The following ASPM variants were observed in gnomAD, a reference collection of about 807,000 sequenced individuals.
ASPM encodes the protein assembly factor for spindle microtubules.
In ASPM, 256 loss-of-function variants were observed where a neutral mutation model predicts 366.4. That is an observed-to-expected ratio of 0.70 (90% confidence interval 0.63 to 0.77). ASPM has a LOEUF of 0.77. Ranked by LOEUF, ASPM falls within the 30% of genes least tolerant of loss-of-function variation. The pLI, the probability that ASPM is intolerant of heterozygous loss-of-function variation, is 0.00. For missense variants in ASPM, 4,146 were observed against 4,090.4 expected, an observed-to-expected ratio of 1.01 and a Z score of -0.37; for synonymous variants, 1,414 against 1,342.9, an observed-to-expected ratio of 1.05 and a Z score of -1.16.
rs145662604 is a variant in ASPM at position 197,105,035 on chromosome 1, C to T, written c.4216G>A (p.Ala1406Thr). 76 of 1,610,046 alleles carry T rather than the reference C, an allele frequency of 4.7e-5. No individual in the cohort carries two copies. The African/African-American group carries it at 8.8e-4, about 19-fold the overall frequency. Residue 1406 changes from alanine (A) to threonine (T), a missense_variant, in exon 18 of 28, where the codon GCT (alanine) becomes ACT (threonine). Transcript: ENST00000367409. ...TGATCTTGTTTTCTTCTTAAATAAG[C>T]ACGCCAATGCCTCTGAATTGTAACT... ...ATVTIQRHWR[A>T]YLRRKQDQQR...
At position 197,124,329 on chromosome 1, in the gene ASPM, C is replaced by T; in HGVS notation, c.3171G>A (p.Val1057=). The T allele has an allele frequency of 6.4e-7, 1 of 1,553,720 alleles. No homozygotes were observed. The highest frequency in any genetic ancestry group is 8.9e-7 in the Non-Finnish European group (1 of 1,129,658). The change falls in exon 13 of 28, where the codon GTG becomes GTA. Residue 1057 remains valine, a splice_region_variant and synonymous_variant. Coordinates refer to ENST00000367409, the MANE Select transcript of ASPM (RefSeq NM_018136.5). ...LLWKIAFAFQ[V]DISLNLDQLK... is the part of the protein sequence containing the mutation. ...ATTGATCTAAGTTAAGGGAAATATC[C>T]ACCTAAAACAAACACAAAAAAAGAT...
chr1:197,133,922 A>G (rs1358658078), intron 5 of ASPM, among the ~76,000 whole-genome samples: 1 of 152,206 alleles, frequency 6.6e-6, no homozygotes, highest in Non-Finnish European at 1.5e-5. Flanking sequence ...AAGGAATATA[A>G]TTTTTAAAAA....
rs759553972 is a variant in ASPM at position 197,143,457 on chromosome 1, G to A, written c.795C>T (p.Asn265=). The change falls in exon 3 of 28, where the codon AAC becomes AAT. Residue 265 remains asparagine, a synonymous_variant. Transcript: ENST00000367409. ...NRELLNVHSA[N]VSKVSFNEKA... ...TCTCATTAAAAGAAACTTTTGAAAC[G>A]TTGGCACTGTGTACATTTAATAGTT... The A allele has an allele frequency of 2.2e-5, 36 of 1,613,886 alleles. No homozygotes were observed. Among genetic ancestry groups the A allele is most frequent in the Admixed American group, 5.0e-5 (3 of 60,002 alleles).
rs1402366738 is a variant in ASPM at position 197,117,954 on chromosome 1, T to C, written c.3900A>G (p.Gln1300=). The change falls in exon 17 of 28, where the codon CAA becomes CAG. Residue 1300 remains glutamine (Q), a synonymous_variant. Transcript: ENST00000367409. ...TTGCTAGAAAATTGATTACAGCCAA[T>C]TGAATAATTCTTGCAGCTTTCTCTC... The part of the protein sequence containing the change: ...QEREKAARII[Q]LAVINFLAKQ... 1.7e-5 allele frequency: 27 copies of C among 1,613,422 alleles called. No individual in the cohort carries two copies. The highest frequency in any genetic ancestry group is 6.6e-5 in the South Asian group (6 of 91,078).
chr1:197,104,913 T>C lies in ASPM; in HGVS notation c.4338A>G (p.Thr1446=), dbSNP rs773192905. 3 of 1,612,060 alleles carry C rather than the reference T, an allele frequency of 1.9e-6. No homozygotes were observed. Among genetic ancestry groups the C allele is most frequent in the East Asian group, 2.2e-5 (1 of 44,770 alleles). ...CTCTAAAAGCTCTTTGCAATATTACTGTAGCTTTTACTTGTGATTGCATTT... is the reference window on the plus strand; with the variant it reads ...CTCTAAAAGCTCTTTGCAATATTACCGTAGCTTTTACTTGTGATTGCATTT... The part of the protein sequence containing the change: ...QRKMQSQVKA[T]VILQRAFREW... Residue 1446 remains threonine (T), a synonymous_variant, in exon 18 of 28, where the codon ACA becomes ACG. Coordinates refer to ENST00000367409, the MANE Select transcript of ASPM (RefSeq NM_018136.5).
chr1:197,102,795 T>A lies in ASPM; in HGVS notation c.6456A>T (p.Ala2152=). ...CACGCTGCATTTTACCTTGATAATATGCTCTACATCTTACTTGAATAACAA... is the reference window on the plus strand; with the variant it reads ...CACGCTGCATTTTACCTTGATAATAAGCTCTACATCTTACTTGAATAACAA... ...AAIVIQVRCR[A]YYQGKMQREK... Residue 2152 remains alanine, a synonymous_variant, in exon 18 of 28, where the codon GCA becomes GCT. Transcript: ENST00000367409. The A allele has an allele frequency of 1.2e-6, 2 of 1,612,530 alleles. No homozygotes were observed. Among genetic ancestry groups the A allele is most frequent in the Non-Finnish European group, 8.5e-7 (1 of 1,179,244 alleles).
intron 17 of ASPM, among the ~76,000 whole-genome samples, chr1:197,107,864 T>A (rs1056360958): frequency 1.3e-5 from 2 of 152,116 alleles, no homozygotes; most frequent in African/African-American, 4.8e-5. Flanking sequence ...TTGCAACAAG[T>A]CAATTATGCT....
chr1:197,104,560 C>T lies in ASPM; in HGVS notation c.4691G>A (p.Cys1564Tyr). Reference sequence around the variant, plus strand: ...CATTCTCCAGTATGACTGAATAACACAAGCAGCTCTAATTTGTCTACATAA... The same window carrying T: ...CATTCTCCAGTATGACTGAATAACATAAGCAGCTCTAATTTGTCTACATAA... ...HNLCRQIRAA[C>Y]VIQSYWRMRQ... The change falls in exon 18 of 28, where the codon TGT (cysteine) becomes TAT (tyrosine). Residue 1564 changes from cysteine to tyrosine, a missense_variant. Transcript: ENST00000367409. 6.2e-7 allele frequency: 1 copy of T among 1,612,860 alleles called. No homozygotes were observed. The highest frequency in any genetic ancestry group is 8.5e-7 in the Non-Finnish European group (1 of 1,179,430).
chr1:197,122,285 T>C lies in ASPM; in HGVS notation c.3615A>G (p.Leu1205=), dbSNP rs1296164418. 6.2e-7 allele frequency: 1 copy of C among 1,613,640 alleles called. No individual in the cohort carries two copies. Among genetic ancestry groups the C allele is most frequent in the Non-Finnish European group, 8.5e-7 (1 of 1,179,750 alleles). Residue 1205 remains leucine, a synonymous_variant, in exon 15 of 28, where the codon CTA becomes CTG. Transcript: ENST00000367409. The part of the protein sequence containing the change: ...KAFDHENTSE[L]YKELLENEKK... ...TTTCATTTTCTAGGAGCTCTTTGTA[T>C]AGCTCTGAAGTATTTTCTATTATGC... is the stretch of plus-strand genomic sequence containing the variant.
At chr1:197,127,044 G>T (rs1205840091) in intron 10 of ASPM, among the ~76,000 whole-genome samples, 1 of 152,096 alleles carries the variant, frequency 6.6e-6, no homozygotes, top group Non-Finnish European at 1.5e-5. Flanking sequence ...TTATAAGACA[G>T]TTCTTCAAAT....
rs1163564582 is a variant in ASPM at position 197,143,742 on chromosome 1, T to G, written c.510A>C (p.Ser170=). ...ATGTTTTATTAACATTCTGAATATT[T>G]GAAACCCTTCTGTTGTGACTTGTAG... ...SASTSHNRRV[S]NIQNVNKTFS... The change falls in exon 3 of 28, where the codon TCA becomes TCC. Residue 170 remains serine, a synonymous_variant. Transcript: ENST00000367409. 9.3e-6 allele frequency: 15 copies of G among 1,613,676 alleles called. No individual in the cohort carries two copies. Among genetic ancestry groups the G allele is most frequent in the African/African-American group, 1.3e-5 (1 of 75,016 alleles).
chr1:197,146,538 G>T lies in ASPM; in HGVS notation c.-101C>A. The T allele has an allele frequency of 1.5e-6, 2 of 1,325,322 alleles. No individual in the cohort carries two copies. Among genetic ancestry groups the T allele is most frequent in the Non-Finnish European group, 1.1e-6 (1 of 946,102 alleles). The allele number at this position is 1,325,322 out of a possible 1,614,324, so 82.1% of individuals were successfully genotyped here. On this transcript the variant is annotated 5_prime_UTR_variant, in exon 1 of 28. Coordinates refer to ENST00000367409, the MANE Select transcript of ASPM (RefSeq NM_018136.5). Reference sequence around the variant, plus strand: ...ACGCTGACCGCTTCCCCTCAGGGGCGGCTGTAGAGGTCGTGGGAGTGAATT... The same window carrying T: ...ACGCTGACCGCTTCCCCTCAGGGGCTGCTGTAGAGGTCGTGGGAGTGAATT...
In ASPM at chr1:197,104,622, T is replaced by A. The variant is rs1052013898; in HGVS notation, c.4629A>T (p.Gln1543His). 1.2e-6 allele frequency: 2 copies of A among 1,612,924 alleles called. No individual in the cohort carries two copies. The highest frequency in any genetic ancestry group is 1.7e-5 in the Admixed American group (1 of 59,784). ...TCAGTCTCCTAAAAGCAGCTTGTAA[T>A]TGAATGGCTGCAGCTCGTTTCTGCA... ...NYLQKRAAAIQLQAAFRRLKA... is the reference protein window; with the variant it reads ...NYLQKRAAAIHLQAAFRRLKA... The change falls in exon 18 of 28, where the codon CAA becomes CAT. Residue 1543 changes from glutamine (Q) to histidine (H), a missense_variant. Gln to His is a conservative substitution (Grantham distance 24). Coordinates refer to ENST00000367409, the MANE Select transcript of ASPM (RefSeq NM_018136.5).
In ASPM at chr1:197,124,313, A is replaced by C. The variant is rs778905001; in HGVS notation, c.3187T>G (p.Leu1063Val). The C allele has an allele frequency of 6.3e-7, 1 of 1,580,050 alleles. No individual in the cohort carries two copies. Residue 1063 changes from leucine to valine, a missense_variant, in exon 13 of 28, where the codon TTA becomes GTA. Coordinates refer to ENST00000367409, the MANE Select transcript of ASPM (RefSeq NM_018136.5). ...GCAATTTCTTCCTTTAATTGATCTA[A>C]GTTAAGGGAAATATCCACCTAAAAC... is the stretch of plus-strand genomic sequence containing the variant. ...FAFQVDISLN[L>V]DQLKEEIAFL...
rs769364943 is a variant in ASPM at position 197,101,927 on chromosome 1, G to A, written c.7324C>T (p.Arg2442Ter). Residue 2442 changes from arginine to a stop codon, truncating the protein, a stop_gained, in exon 18 of 28, where the codon CGA (arginine) becomes TGA (stop). Coordinates refer to ENST00000367409, the MANE Select transcript of ASPM (RefSeq NM_018136.5). LOFTEE classifies it high-confidence loss of function. ...TTATGTTTGGCACAAATGGTGGCTC[G>A]ATATTTCCTCTGAACAAAAATAGTA... Reference protein sequence around the residue: ...KATIFVQRKYRATICAKHKLY... With the variant: ...KATIFVQRKY The A allele has an allele frequency of 1.2e-5, 20 of 1,612,598 alleles. No homozygotes were observed. The highest frequency in any genetic ancestry group is 1.5e-5 in the Non-Finnish European group (18 of 1,179,274).
Position 197,104,280 on chromosome 1 carries a change from T to C in ASPM, c.4971A>G (p.Thr1657=), listed in dbSNP as rs369031263. The change falls in exon 18 of 28, where the codon ACA becomes ACG. Residue 1657 remains threonine, a synonymous_variant. Coordinates refer to ENST00000367409, the MANE Select transcript of ASPM (RefSeq NM_018136.5). ...QARKMYIHIL[T]SVIKIQSYYR... is the part of the protein sequence containing the mutation. ...AATATGATTGAATCTTTATAACAGA[T>C]GTGAGGATGTGAATATACATTTTCC... 5.6e-6 allele frequency: 9 copies of C among 1,613,022 alleles called. 1 individual carries two copies. Among genetic ancestry groups the C allele is most frequent in the South Asian group, 5.5e-5 (5 of 91,064 alleles).
intron 21 of ASPM, 53 bp from the exon 22 acceptor site, chr1:197,092,109 A>C: frequency 6.3e-7 from 1 of 1,584,614 alleles, no homozygotes; most frequent in Non-Finnish European, 8.6e-7. Flanking sequence ...AAGTTAATCA[A>C]TGAGTGTTTT....
At chr1:197,132,745 A>AATATAT (rs1265038300) in intron 6 of ASPM, among the ~76,000 whole-genome samples, 1 of 149,270 alleles carries the variant, frequency 6.7e-6, no homozygotes, top group East Asian at 1.9e-4. Context: ...TATACAAATA[A>AATATAT]ATATATATGA....
chr1:197,138,059 G>A (rs1328581907), intron 4 of ASPM, among the ~76,000 whole-genome samples: 1 of 152,108 alleles, frequency 6.6e-6, no homozygotes, highest in African/African-American at 2.4e-5. Context: ...TTATGCCTAT[G>A]AGTCCCCAAC....
Sources: gnomAD v4.1 joint callset for allele counts (sites outside exome capture counted in the v4.1 genomes callset) on GRCh38, gnomAD v4.1.1 for gene constraint, MANE v1.5 for transcripts, NCBI Gene and HGNC (gene_info 2026-07-23, HGNC 2026-07-21) for gene names.